The following SLC25A29 variants were observed in gnomAD, a reference collection of about 807,000 sequenced individuals.
The protein encoded by SLC25A29 is solute carrier family 25 member 29.
SLC25A29 carries 13 observed loss-of-function variants against 10.0 expected under a neutral mutation model. The observed-to-expected ratio is 1.30, with a 90% CI of 0.85 to 2.07. The LOEUF is 2.07. SLC25A29 is among the 30% of genes most tolerant of loss of function. The pLI is 0.00. For missense variants in SLC25A29, 475 were observed against 447.6 expected (o/e 1.06, Z -0.55); for synonymous variants, 244 against 221.1 (o/e 1.10, Z -0.92).
chr14:100,286,477 G>T (rs966968692), downstream of SLC25A29, among the ~76,000 whole-genome samples: 3 of 150,140 alleles, frequency 2.0e-5, 1 homozygote, highest in African/African-American at 7.3e-5. Flanking sequence ...GGCTGGGGGG[G>T]GGGGTGTTGC....
chr14:100,301,954 T>C (rs1053232169), intron 1 of SLC25A29, among the ~76,000 whole-genome samples: 5 of 152,130 alleles, frequency 3.3e-5, no homozygotes, highest in African/African-American at 1.2e-4. Flanking sequence ...CCATTGACAT[T>C]TTCCTCATTG....
At chr14:100,303,075 T>C (rs577573165) in intron 1 of SLC25A29, among the ~76,000 whole-genome samples, 205 of 152,368 alleles carry the variant, frequency 1.3e-3, no homozygotes, top group Non-Finnish European at 2.2e-3. Flanking sequence ...AGCCTATCTT[T>C]TCTTTCATGA....
At chr14:100,299,599 G>T (rs1892406987) in intron 1 of SLC25A29, 3 of 985,690 alleles carry the variant, frequency 3.0e-6, no homozygotes, top group Middle Eastern at 5.2e-4. Flanking sequence ...AAGGACAAAG[G>T]TTCACCCCTC....
At chr14:100,305,052 C>G (rs1025503503) in intron 1 of SLC25A29, 2 of 152,180 alleles carry the variant, frequency 1.3e-5, no homozygotes, top group Admixed American at 6.5e-5. Context: ...TCCAGGGCAC[C>G]CAGCGATTAG....
At chr14:100,280,550 A>G in the SLC25A29 span, 1 of 152,086 alleles carries the variant, frequency 6.6e-6, no homozygotes, top group Admixed American at 6.5e-5. Flanking sequence ...TTGGTTTCAT[A>G]TGGTGTTTGT....
chr14:100,300,590 A>G (rs1227026786), intron 1 of SLC25A29, among the ~76,000 whole-genome samples: 4 of 152,120 alleles, frequency 2.6e-5, no homozygotes, highest in Non-Finnish European at 5.9e-5. Context: ...CATGCTGCCC[A>G]GGCTTTGTTC....
chr14:100,293,069 G>A (rs1489431033), intron 3 of SLC25A29, 37 bp from the exon 4 acceptor site: 5 of 1,491,614 alleles, frequency 3.4e-6, no homozygotes, highest in Middle Eastern at 1.8e-4. Context: ...CCGGCAACGC[G>A]CACCTCCCGG....
At chr14:100,288,977 T>A (rs1240303182), downstream of SLC25A29, among the ~76,000 whole-genome samples, 3 of 152,172 alleles carry the variant, frequency 2.0e-5, no homozygotes, top group African/African-American at 7.2e-5. Flanking sequence ...CTTAATCCCA[T>A]ATGACTGGTG....
chr14:100,292,028 G>A lies in SLC25A29; in HGVS notation c.*255C>T. ...ATGGCCTCAGCCAGGCCAGGTGCTGGCTGCTGCTGGGAATAATCTCTGAGC... is the reference window on the plus strand; with the variant it reads ...ATGGCCTCAGCCAGGCCAGGTGCTGACTGCTGCTGGGAATAATCTCTGAGC... On this transcript the variant is annotated 3_prime_UTR_variant, in exon 4 of 4. Transcript: ENST00000359232. The A allele has an allele frequency of 2.0e-6, 1 of 511,700 alleles. No individual in the cohort carries two copies. Among genetic ancestry groups the A allele is most frequent in the Non-Finnish European group, 3.5e-6 (1 of 289,082 alleles). 31.7% of individuals were successfully genotyped at this position (511,700 alleles called of 1,614,324 possible).
chr14:100,279,631 G>A, the SLC25A29 span: 1 of 152,256 alleles, frequency 6.6e-6, no homozygotes, highest in African/African-American at 2.4e-5. Context: ...GGGCTCGGAT[G>A]AGAACGTGTA....
At chr14:100,306,147 C>T in intron 1 of SLC25A29, 52 bp downstream of exon 1, 1 of 1,349,212 alleles carries the variant, frequency 7.4e-7, no homozygotes, top group Non-Finnish European at 9.7e-7. Flanking sequence ...GTGGGCCGAC[C>T]TCCCTCCCCG....
At chr14:100,295,532 T>C (rs1892082963) in intron 2 of SLC25A29, 3 of 1,235,746 alleles carry the variant, frequency 2.4e-6, no homozygotes, top group East Asian at 1.1e-4. Flanking sequence ...ACACCCTCCC[T>C]GTCCCCTGCT....
chr14:100,303,614 T>A (rs1892705410), intron 1 of SLC25A29, among the ~76,000 whole-genome samples: 1 of 152,244 alleles, frequency 6.6e-6, no homozygotes, highest in Non-Finnish European at 1.5e-5. Context: ...CAGTGTGGGC[T>A]GTGGGGCCGG....
chr14:100,294,200 T>C (rs1891984442), intron 2 of SLC25A29: 1 of 152,216 alleles, frequency 6.6e-6, no homozygotes, highest in Admixed American at 6.5e-5. Context: ...ACAGCAGTTA[T>C]GAGTTAATAG....
downstream of SLC25A29, among the ~76,000 whole-genome samples, chr14:100,288,171 C>T (rs1392351181): frequency 6.6e-6 from 1 of 152,006 alleles, no homozygotes; most frequent in Non-Finnish European, 1.5e-5. Context: ...CACCTGAGGT[C>T]AGGAGTTTGA....
rs1301927307 is a variant in SLC25A29, at chr14:100,292,056, C to T, written c.*227G>A. ...GCTGCTGGGAATAATCTCTGAGCTTCGTGACTCTACAGTGTGGGCATGAGG... is the reference window on the plus strand; with the variant it reads ...GCTGCTGGGAATAATCTCTGAGCTTTGTGACTCTACAGTGTGGGCATGAGG... On this transcript the variant is annotated 3_prime_UTR_variant, in exon 4 of 4. Coordinates refer to ENST00000359232, the MANE Select transcript of SLC25A29 (RefSeq NM_001039355.3). 4 of 555,086 alleles carry T rather than the reference C, an allele frequency of 7.2e-6. No homozygotes were observed. The highest frequency in any genetic ancestry group is 6.7e-5 in the Admixed American group (2 of 29,960). 34.4% of individuals were successfully genotyped at this position (555,086 alleles called of 1,614,324 possible).
At chr14:100,281,750 A>G in the SLC25A29 span, 1 of 152,128 alleles carries the variant, frequency 6.6e-6, no homozygotes, top group East Asian at 1.9e-4. Context: ...CCCTTGATTT[A>G]TGTTGTTACT....
downstream of SLC25A29, among the ~76,000 whole-genome samples, chr14:100,290,158 G>C (rs1891632576): frequency 6.6e-6 from 1 of 152,236 alleles, no homozygotes. Context: ...AGAGAGTGCA[G>C]ATGTGTGGAG....
chr14:100,295,928 A>ACGGTGGCTGTGGTTCTGGG, intron 2 of SLC25A29: 1 of 1,289,728 alleles, frequency 7.8e-7, no homozygotes, highest in Non-Finnish European at 1.0e-6. Context: ...GTGCTTCAGG[A>ACGGTGGCTGTGGTTCTGGG]CGGTGGCTGT....
Sources: allele counts gnomAD v4.1 joint callset (sites outside exome capture counted in the v4.1 genomes callset), GRCh38; gene constraint gnomAD v4.1.1; transcripts MANE v1.5; gene names NCBI Gene and HGNC (gene_info 2026-07-23, HGNC 2026-07-21).